The following RALGPS1 variants were observed in gnomAD, a reference collection of about 807,000 sequenced individuals.
The protein encoded by RALGPS1 is Ral GEF with PH domain and SH3 binding motif 1, also known as ras-specific guanine nucleotide-releasing factor RalGPS1.
RALGPS1 carries 19 observed loss-of-function variants against 78.8 expected under a neutral mutation model. The observed-to-expected ratio is 0.24, with a 90% CI of 0.17 to 0.35. The LOEUF is 0.35. Among genes scored for constraint, RALGPS1 ranks in the 10% least tolerant of loss-of-function variants. The pLI, the probability that RALGPS1 is intolerant of heterozygous loss-of-function variation, is 1.00. For synonymous variants in RALGPS1, 228 were observed against 256.3 expected (o/e 0.89, Z 1.06); for missense variants, 454 against 688.3 (o/e 0.66, Z 3.81).
At chr9:127,077,525 A>G (rs1223567787) in intron 8 of RALGPS1, among the ~76,000 whole-genome samples, 1 of 152,218 alleles carries the variant, frequency 6.6e-6, no homozygotes, top group Non-Finnish European at 1.5e-5. Flanking sequence ...TTCCCTGAAC[A>G]GGGATATGAG....
At chr9:126,974,066 G>T (rs1349466743) in intron 3 of RALGPS1, among the ~76,000 whole-genome samples, 3 of 152,056 alleles carry the variant, frequency 2.0e-5, no homozygotes, top group East Asian at 1.9e-4. Flanking sequence ...TACAGACAGG[G>T]TTTCACCATG....
At chr9:126,949,281 A>G (rs1362896518) in intron 1 of RALGPS1, among the ~76,000 whole-genome samples, 1 of 152,214 alleles carries the variant, frequency 6.6e-6, no homozygotes, top group Non-Finnish European at 1.5e-5. Context: ...ATAGGTGTGC[A>G]TGTGTCTTTA....
chr9:127,077,345 A>G (rs1399838402), intron 8 of RALGPS1, among the ~76,000 whole-genome samples: 1 of 152,224 alleles, frequency 6.6e-6, no homozygotes, highest in Non-Finnish European at 1.5e-5. Flanking sequence ...GGAGAGACCT[A>G]AAACAGTTGT....
rs1268145081 is a variant in RALGPS1, at chr9:127,069,447, G to A, written c.610+91G>A. 7 of 1,456,880 alleles carry A rather than the reference G, an allele frequency of 4.8e-6. No individual in the cohort carries two copies. In the South Asian group the frequency reaches 7.4e-5, roughly 15 times the overall value. The allele number at this position is 1,456,880 out of a possible 1,614,324, so 90.2% of individuals were successfully genotyped here. On this transcript the variant is annotated intron_variant, in intron 8 of 18. Transcript: ENST00000259351. ...CAGTTTCTACCTGAAAAATTTCCAG[G>A]AAGCGACATGGCCCGTAGATAAAGA...
At chr9:127,071,458 A>G (rs953848067) in intron 8 of RALGPS1, among the ~76,000 whole-genome samples, 1 of 152,210 alleles carries the variant, frequency 6.6e-6, no homozygotes, top group Non-Finnish European at 1.5e-5. Context: ...CACCTGATAA[A>G]AGGTGACATC....
chr9:126,969,397 G>C (rs2039872921), intron 3 of RALGPS1, among the ~76,000 whole-genome samples: 1 of 152,134 alleles, frequency 6.6e-6, no homozygotes, highest in Non-Finnish European at 1.5e-5. Flanking sequence ...TTGTGCCACT[G>C]TACCTGGCTC....
At chr9:127,165,969 T>C (rs75432892) in intron 8 of RALGPS1, 100 bp from the exon 9 acceptor site, 3 of 1,422,722 alleles carry the variant, frequency 2.1e-6, no homozygotes, top group South Asian at 3.2e-5. Context: ...TTTCCATAAG[T>C]CACCCTTTAT....
chr9:127,212,699 CG>C lies in RALGPS1; in HGVS notation c.1430del (p.Gly477AlafsTer36). ...TLLYYGAKSLRGTDRKHYKST... is the reference protein window; with the variant it reads ...TLLYYGAKSLXGTDRKHYKST... ...CCTGTACTACGGAGCCAAGTCCTTG[CG>C]GGGCACAGACAGAAAACACGTAAGT... is the stretch of plus-strand genomic sequence containing the variant. On this transcript the variant is annotated frameshift_variant, in exon 16 of 19. Transcript: ENST00000259351. LOFTEE classifies it high-confidence loss of function. This position sits in a 1 kb window ranked among gnomAD's most constrained non-coding sequence, Gnocchi z 6.0. The C allele has an allele frequency of 6.2e-7, 1 of 1,612,724 alleles. No homozygotes were observed. The highest frequency in any genetic ancestry group is 8.5e-7 in the Non-Finnish European group (1 of 1,178,894).
At chr9:127,215,248 C>T (rs1382816401) in intron 18 of RALGPS1, among the ~76,000 whole-genome samples, 2 of 152,198 alleles carry the variant, frequency 1.3e-5, no homozygotes, top group African/African-American at 4.8e-5. Flanking sequence ...AATAATGCGG[C>T]TAGCTAACTT....
intron 4 of RALGPS1, among the ~76,000 whole-genome samples, chr9:127,005,996 G>A (rs1185342458): frequency 1.3e-5 from 2 of 152,144 alleles, no homozygotes; most frequent in African/African-American, 4.8e-5. Flanking sequence ...TACAGCTTTC[G>A]ATAAAATCCA....
chr9:127,125,257 C>T (rs770430115), intron 8 of RALGPS1, among the ~76,000 whole-genome samples: 1 of 152,240 alleles, frequency 6.6e-6, no homozygotes, highest in African/African-American at 2.4e-5. Context: ...TTGCTTCCTT[C>T]GTTGGGCTGT....
At chr9:127,055,077 C>T (rs938526112) in intron 7 of RALGPS1, among the ~76,000 whole-genome samples, 4 of 151,738 alleles carry the variant, frequency 2.6e-5, no homozygotes, top group Non-Finnish European at 4.4e-5. Flanking sequence ...GGAATTTGCA[C>T]CCAGGACCCA....
chr9:127,058,629 A>G (rs1268071843), intron 7 of RALGPS1, among the ~76,000 whole-genome samples: 1 of 152,294 alleles, frequency 6.6e-6, no homozygotes, highest in East Asian at 1.9e-4. Flanking sequence ...CTGAGAAGCT[A>G]ATGAAACCTT....
intron 11 of RALGPS1, 127 bp from the exon 12 acceptor site, chr9:127,194,964 C>G: frequency 8.8e-7 from 1 of 1,131,526 alleles, no homozygotes; most frequent in Non-Finnish European, 1.3e-6. Flanking sequence ...CCTTGCCCCA[C>G]CTGTGACAGC....
At chr9:127,194,708 C>T (rs1048764587) in intron 11 of RALGPS1, among the ~76,000 whole-genome samples, 8 of 152,208 alleles carry the variant, frequency 5.3e-5, no homozygotes, top group African/African-American at 9.6e-5. Context: ...CCACCACACC[C>T]GGCCTAGAAG....
chr9:127,031,176 C>T (rs1564449411), intron 4 of RALGPS1, among the ~76,000 whole-genome samples: 1 of 152,240 alleles, frequency 6.6e-6, no homozygotes, highest in Admixed American at 6.5e-5. Context: ...AGCCTTGTCT[C>T]CTCTGGTCAA....
At chr9:126,957,368 T>C (rs982286205) in intron 1 of RALGPS1, among the ~76,000 whole-genome samples, 8 of 151,896 alleles carry the variant, frequency 5.3e-5, no homozygotes, top group African/African-American at 1.9e-4. Context: ...CAGTTTGAGC[T>C]CCATGTCTGG....
chr9:126,925,667 C>T (rs1009280457), intron 1 of RALGPS1, among the ~76,000 whole-genome samples: 5 of 152,034 alleles, frequency 3.3e-5, no homozygotes, highest in East Asian at 3.9e-4. Flanking sequence ...GCTTGGGCAA[C>T]GTAATGAGAC....
chr9:126,986,950 A>G (rs1194376064), intron 4 of RALGPS1, among the ~76,000 whole-genome samples: 1 of 152,166 alleles, frequency 6.6e-6, no homozygotes, highest in South Asian at 2.1e-4. Context: ...GTGGGCATGT[A>G]AGAACTTAGC....
Sources: allele counts gnomAD v4.1 joint callset (sites outside exome capture counted in the v4.1 genomes callset), GRCh38; gene constraint gnomAD v4.1.1; non-coding constraint Gnocchi (gnomAD v3.1); transcripts MANE v1.5; gene names NCBI Gene and HGNC (gene_info 2026-07-23, HGNC 2026-07-21).